ACAT1: variants seen among roughly 807,000 people sequenced by gnomAD.
ACAT1 encodes the protein acetyl-CoA acetyltransferase, mitochondrial.
Under a neutral mutation model 47.3 loss-of-function variants are expected in ACAT1, and 28 were observed. The observed-to-expected ratio is 0.59, with a 90% confidence interval of 0.44 to 0.81. The LOEUF (loss-of-function observed/expected upper bound fraction) is 0.81, where lower values mean the gene tolerates loss of function less well. Ranked by LOEUF, ACAT1 falls within the 30% of genes least tolerant of loss-of-function variation. ACAT1 has a pLI of 0.00. For missense variants in ACAT1, 469 were observed against 524.3 expected (o/e 0.89, Z 1.03); for synonymous variants, 181 against 173.6 (o/e 1.04, Z -0.34).
intron 10 of ACAT1, among the ~76,000 whole-genome samples, chr11:108,145,302 A>G (rs897463788): frequency 1.3e-5 from 2 of 152,252 alleles, no homozygotes; most frequent in African/African-American, 4.8e-5. Context: ...CCCTACAGTA[A>G]CATTTATAAA....
chr11:108,140,827 G>C (rs1490646783), intron 7 of ACAT1, among the ~76,000 whole-genome samples: 1 of 152,164 alleles, frequency 6.6e-6, no homozygotes, highest in Non-Finnish European at 1.5e-5. Context: ...GAATACTAGA[G>C]CTTATCTAGT....
rs929856092 is a variant in ACAT1, at chr11:108,145,982, G to C, written c.1006-220G>C. On this transcript the variant is annotated intron_variant, in intron 10 of 11. Coordinates refer to ENST00000265838, the MANE Select transcript of ACAT1 (RefSeq NM_000019.4). ...GAACTGCTTGAACCTGGGAGGCAGA[G>C]GTTATAGTGAGCCAAGATGGCGCCA... 2.5e-5 allele frequency: 11 copies of C among 441,106 alleles called. No individual in the cohort carries two copies. The East Asian group carries it at 5.1e-4, about 21-fold the overall frequency. The allele number at this position is 441,106 out of a possible 1,614,324, so 27.3% of individuals were successfully genotyped here.
rs397934794 is a variant in ACAT1 at position 108,123,081 on chromosome 11, A to AC, written c.72+1403_72+1404insC. On this transcript the variant is annotated intron_variant, in intron 1 of 11. Coordinates refer to ENST00000265838, the MANE Select transcript of ACAT1 (RefSeq NM_000019.4). ...CTCTATTAAAAATACACACACACACAAAAATTAGCTGGGTGTGGTGGCAGG... is the reference window on the plus strand; with the variant it reads ...CTCTATTAAAAATACACACACACACACAAAATTAGCTGGGTGTGGTGGCAGG... Among the ~76,000 whole-genome samples the AC allele has an allele frequency of 7.3e-3, 1,100 of 151,404 alleles. 13 individuals are homozygous for AC. Among genetic ancestry groups the AC allele is most frequent in the East Asian group, 0.029 (147 of 5,146 alleles).
chr11:108,145,729 T>C (rs555324617), intron 10 of ACAT1, among the ~76,000 whole-genome samples: 1 of 152,108 alleles, frequency 6.6e-6, no homozygotes, highest in South Asian at 2.1e-4. Context: ...TTTGATATAA[T>C]GGAATAAGAT....
At chr11:108,143,115 G>C (rs1319225111) in intron 9 of ACAT1, 1 of 155,484 alleles carries the variant, frequency 6.4e-6, no homozygotes, top group Non-Finnish European at 1.4e-5. Context: ...TTTGAGACCA[G>C]CCTGGGCAAC....
At position 108,147,322 on chromosome 11, in the gene ACAT1, G is replaced by C. The variant is rs762543361; in HGVS notation, c.1216G>C (p.Glu406Gln). ...TTTGACTCATGCCTTGAAGCAAGGA[G>C]AATACGGTCTTGCCAGTATTTGCAA... The part of the protein sequence containing the change: ...GHLTHALKQG[E>Q]YGLASICNGG... The change falls in exon 12 of 12, where the codon GAA becomes CAA. Residue 406 changes from glutamate to glutamine, a missense_variant. Transcript: ENST00000265838. 1 of 1,614,000 alleles carries C rather than the reference G, an allele frequency of 6.2e-7. No homozygotes were observed. Among genetic ancestry groups the C allele is most frequent in the Non-Finnish European group, 8.5e-7 (1 of 1,179,944 alleles).
chr11:108,118,168 A>G (rs1177553451), upstream of ACAT1, among the ~76,000 whole-genome samples: 1 of 152,164 alleles, frequency 6.6e-6, no homozygotes, highest in African/African-American at 2.4e-5. Flanking sequence ...CTGTAATCCC[A>G]GCACTTTGGG....
At chr11:108,129,311 A>AT (rs1385117044) in intron 1 of ACAT1, 3 of 151,938 alleles carry the variant, frequency 2.0e-5, no homozygotes, top group Non-Finnish European at 4.4e-5. Context: ...CTGGTTCCAT[A>AT]TTTTTGCAAT....
intron 2 of ACAT1, among the ~76,000 whole-genome samples, chr11:108,132,297 G>T (rs1005388368): frequency 9.2e-5 from 14 of 152,120 alleles, no homozygotes; most frequent in African/African-American, 3.4e-4. Flanking sequence ...GAGTGGACCA[G>T]TTGGGAATTA....
chr11:108,137,649 T>C (rs1049502830), intron 5 of ACAT1, among the ~76,000 whole-genome samples: 2 of 152,104 alleles, frequency 1.3e-5, no homozygotes, highest in Non-Finnish European at 1.5e-5. Flanking sequence ...GGTTAGAAGT[T>C]AAGAATTTCA....
At position 108,138,922 on chromosome 11, in the gene ACAT1, G is replaced by A. The variant is rs1198149157; in HGVS notation, c.460G>A (p.Glu154Lys). 1 of 1,614,138 alleles carries A rather than the reference G, an allele frequency of 6.2e-7. No homozygotes were observed. Among genetic ancestry groups the A allele is most frequent in the Non-Finnish European group, 8.5e-7 (1 of 1,180,024 alleles). Residue 154 changes from glutamate to lysine, a missense_variant, in exon 6 of 12, where the codon GAG becomes AAG. Physicochemically the swap from Glu to Lys is moderately conservative, Grantham distance 56. Coordinates refer to ENST00000265838, the MANE Select transcript of ACAT1 (RefSeq NM_000019.4). ...HQDVMVAGGMESMSNVPYVMN... is the reference protein window; with the variant it reads ...HQDVMVAGGMKSMSNVPYVMN... ...GGATGTGATGGTGGCAGGTGGGATG[G>A]AGAGCATGTCCAATGTTCCATATGT...
At position 108,147,323 on chromosome 11, in the gene ACAT1, AATAC is replaced by A; in HGVS notation, c.1218_1221del (p.Tyr407ValfsTer16). ...TTGACTCATGCCTTGAAGCAAGGAG[AATAC>A]GGTCTTGCCAGTATTTGCAATGGAG... On this transcript the variant is annotated frameshift_variant, in exon 12 of 12. Coordinates refer to ENST00000265838, the MANE Select transcript of ACAT1 (RefSeq NM_000019.4). LOFTEE classifies it high-confidence loss of function. 6.2e-7 allele frequency: 1 copy of A among 1,613,900 alleles called. No homozygotes were observed. Among genetic ancestry groups the A allele is most frequent in the Non-Finnish European group, 8.5e-7 (1 of 1,179,940 alleles).
At chr11:108,121,421 C>G, upstream of ACAT1, 1 of 674,064 alleles carries the variant, frequency 1.5e-6, no homozygotes, top group Non-Finnish European at 2.6e-6. Context: ...TTTCCTGGCC[C>G]AGGCTGCGGT....
At chr11:108,134,140 A>C in intron 3 of ACAT1, 81 bp from the exon 4 acceptor site, 1 of 1,333,026 alleles carries the variant, frequency 7.5e-7, no homozygotes, top group Non-Finnish European at 1.1e-6. Flanking sequence ...CCTATTGTGT[A>C]ATGTCACCTA....
Position 108,147,553 on chromosome 11 carries a change from G to A in ACAT1, c.*163G>A. On this transcript the variant is annotated 3_prime_UTR_variant, in exon 12 of 12. Coordinates refer to ENST00000265838, the MANE Select transcript of ACAT1 (RefSeq NM_000019.4). ...AAATGATGAAATCCCAAAACATTTT[G>A]AAATTAAAAATAAATTTCTTCTTCT... The A allele has an allele frequency of 1.0e-6, 1 of 980,814 alleles. No individual in the cohort carries two copies. Among genetic ancestry groups the A allele is most frequent in the Non-Finnish European group, 1.5e-6 (1 of 684,012 alleles). The allele number at this position is 980,814 out of a possible 1,614,324, so 60.8% of individuals were successfully genotyped here. A position where few individuals can be genotyped will look rare whatever the true frequency, so the allele number is the denominator to read the frequency against.
rs1565288701 is a variant in ACAT1 at position 108,134,245 on chromosome 11, A to C, written c.263A>C (p.Glu88Ala). ...KAGIPKEEVK[E>A]AYMGNVLQGG... ...GGGATTCCAAAAGAAGAAGTGAAAG[A>C]AGCATACATGGGTAATGTTCTACAA... Residue 88 changes from glutamate to alanine, a missense_variant, in exon 4 of 12, where the codon GAA (glutamate) becomes GCA (alanine). By Grantham distance (107) the Glu-to-Ala change is moderately radical (BLOSUM62 -1). Transcript: ENST00000265838. 6 of 1,613,622 alleles carry C rather than the reference A, an allele frequency of 3.7e-6. No individual in the cohort carries two copies. Among genetic ancestry groups the C allele is most frequent in the Non-Finnish European group, 4.2e-6 (5 of 1,179,790 alleles).
chr11:108,132,597 G>C (rs2077382201), intron 2 of ACAT1, among the ~76,000 whole-genome samples: 3 of 152,004 alleles, frequency 2.0e-5, no homozygotes, highest in African/African-American at 7.2e-5. Context: ...GCTCACACCT[G>C]TAATCCCAGC....
At chr11:108,128,218 T>A (rs78125213) in intron 1 of ACAT1, among the ~76,000 whole-genome samples, 1 of 152,116 alleles carries the variant, frequency 6.6e-6, no homozygotes, top group Admixed American at 6.6e-5. Flanking sequence ...TCTGAGTGGG[T>A]TGAACTGTAA....
At chr11:108,129,276 A>G (rs981785878) in intron 1 of ACAT1, 3 of 151,952 alleles carry the variant, frequency 2.0e-5, no homozygotes, top group African/African-American at 7.3e-5. Flanking sequence ...TGCTTTATCC[A>G]CTTGTTGATT....
Sources: gnomAD v4.1 joint callset for allele counts (sites outside exome capture counted in the v4.1 genomes callset) on GRCh38, gnomAD v4.1.1 for gene constraint, MANE v1.5 for transcripts, NCBI Gene and HGNC (gene_info 2026-07-23, HGNC 2026-07-21) for gene names.